Variants in ZC3H13 observed in about 807,000 individuals in gnomAD.
ZC3H13 encodes zinc finger CCCH domain-containing protein 13.
A neutral mutation model predicts 204.1 loss-of-function variants in ZC3H13; 64 were observed. The ratio of observed to expected loss-of-function variants is 0.31; its 90% CI spans 0.26 to 0.39. The LOEUF (loss-of-function observed/expected upper bound fraction) is 0.39. Ranked by LOEUF, ZC3H13 falls within the 10% of genes least tolerant of loss-of-function variation. The pLI is 1.00. For synonymous variants in ZC3H13, 667 were observed against 693.7 expected, an observed-to-expected ratio of 0.96 and a Z score of 0.60; for missense variants, 1,833 against 2,082.7, an observed-to-expected ratio of 0.88 and a Z score of 2.33.
intron 8 of ZC3H13, among the ~76,000 whole-genome samples, 185 bp downstream of exon 8, chr13:46,002,954 T>G (rs1007785207): frequency 6.6e-6 from 1 of 152,072 alleles, no homozygotes; most frequent in African/African-American, 2.4e-5. Flanking sequence ...ATTGTAAAAA[T>G]TAAGGCTTAC....
chr13:45,970,779 T>G (rs139346424), intron 12 of ZC3H13, among the ~76,000 whole-genome samples: 1 of 152,208 alleles, frequency 6.6e-6, no homozygotes, highest in Admixed American at 6.5e-5. Flanking sequence ...AATATATTAA[T>G]GTACCCTCTG....
At chr13:45,980,837 G>T (rs991676467) in intron 10 of ZC3H13, among the ~76,000 whole-genome samples, 4 of 152,100 alleles carry the variant, frequency 2.6e-5, no homozygotes, top group Admixed American at 2.6e-4. Context: ...CTATGGAAAT[G>T]GGCTACACAT....
intron 18 of ZC3H13, among the ~76,000 whole-genome samples, chr13:45,958,648 G>GTTTTTT (rs10539884): frequency 1.4e-4 from 17 of 123,668 alleles, no homozygotes; most frequent in Non-Finnish European, 2.3e-4. Flanking sequence ...AAAAATCCCA[G>GTTTTTT]TTTTTTTTTT....
intron 8 of ZC3H13, chr13:46,001,237 A>G (rs2138479555): frequency 6.6e-6 from 1 of 152,296 alleles, no homozygotes; most frequent in African/African-American, 2.4e-5. Context: ...AAAATACACA[A>G]CATCTGTGAG....
At chr13:45,964,171 A>G (rs1320181884) in intron 16 of ZC3H13, 129 bp from the exon 17 acceptor site, 12 of 778,472 alleles carry the variant, frequency 1.5e-5, no homozygotes, top group South Asian at 4.1e-5. Context: ...AAAATGTCCT[A>G]TTCTTAAAAT....
chr13:46,018,612 G>C (rs917261607), intron 5 of ZC3H13, among the ~76,000 whole-genome samples: 13 of 152,102 alleles, frequency 8.5e-5, no homozygotes, highest in African/African-American at 3.1e-4. Flanking sequence ...AGGTGTGGTA[G>C]GAGGAAGTTG....
At chr13:46,049,475 T>G (rs78208399) in intron 1 of ZC3H13, among the ~76,000 whole-genome samples, 2,203 of 152,286 alleles carry the variant, frequency 0.014, 47 homozygotes, top group African/African-American at 0.05. Flanking sequence ...AAATGTTACT[T>G]AAATATTACT....
At position 45,967,772 on chromosome 13, in the gene ZC3H13, T is replaced by G. The variant is rs1232151691; in HGVS notation, c.4053A>C (p.Lys1351Asn). Residue 1351 changes from lysine (K) to asparagine (N), a missense_variant, in exon 15 of 19, where the codon AAA becomes AAC. By Grantham distance (94) the Lys-to-Asn change is moderately conservative (BLOSUM62 0). Coordinates refer to ENST00000679008, the MANE Select transcript of ZC3H13 (RefSeq NM_001330564.2). ...RERERERERD[K>N]RRDLDRERER... ...CTCTTTCCCTATCCAAGTCTCTCCT[T>G]TTGTCTCGTTCTCTCTCTCGTTCTC... The G allele has an allele frequency of 1.2e-6, 2 of 1,611,776 alleles. No individual in the cohort carries two copies. Among genetic ancestry groups the G allele is most frequent in the Non-Finnish European group, 1.7e-6 (2 of 1,178,874 alleles).
chr13:45,966,413 A>C (rs879828996), intron 15 of ZC3H13, among the ~76,000 whole-genome samples: 8 of 152,174 alleles, frequency 5.3e-5, no homozygotes, highest in Non-Finnish European at 1.2e-4. Context: ...TTGTCATATA[A>C]ACATACATCT....
At chr13:45,974,892 G>C (rs1952889795) in intron 12 of ZC3H13, among the ~76,000 whole-genome samples, 2 of 151,804 alleles carry the variant, frequency 1.3e-5, no homozygotes, top group Non-Finnish European at 2.9e-5. Context: ...CTCGACCCAG[G>C]CTGGAGTGCA....
At chr13:46,004,608 A>G (rs1488349675) in intron 7 of ZC3H13, among the ~76,000 whole-genome samples, 5 of 152,200 alleles carry the variant, frequency 3.3e-5, no homozygotes. Flanking sequence ...AATTTCCCTG[A>G]ATAGATGCTC....
chr13:46,000,436 C>T (rs527477029), intron 8 of ZC3H13, among the ~76,000 whole-genome samples: 1 of 152,334 alleles, frequency 6.6e-6, no homozygotes, highest in African/African-American at 2.4e-5. Flanking sequence ...TTTTGTGCTA[C>T]GGAGATGGCT....
chr13:46,029,962 AT>A (rs1185523306), intron 4 of ZC3H13, among the ~76,000 whole-genome samples: 4 of 152,214 alleles, frequency 2.6e-5, no homozygotes, highest in Non-Finnish European at 5.9e-5. Context: ...TGTTATGCAA[AT>A]TAGATATAAT....
In ZC3H13 at chr13:46,042,259, T is replaced by C. The variant is rs769300170; in HGVS notation, c.244A>G (p.Thr82Ala). ...SNYRRSPERP[T>A]GDLRERMKNK... Reference sequence around the variant, plus strand: ...TTCATTCTTTCTCTAAGATCCCCTGTAGGTCTTTCTGGTGACCTTTGAACC... The same window carrying C: ...TTCATTCTTTCTCTAAGATCCCCTGCAGGTCTTTCTGGTGACCTTTGAACC... The change falls in exon 4 of 19, where the codon ACA becomes GCA. Residue 82 changes from threonine to alanine, a missense_variant. Transcript: ENST00000679008. 6 of 1,612,646 alleles carry C rather than the reference T, an allele frequency of 3.7e-6. No homozygotes were observed. The highest frequency in any genetic ancestry group is 5.1e-6 in the Non-Finnish European group (6 of 1,178,936).
intron 7 of ZC3H13, among the ~76,000 whole-genome samples, chr13:46,009,246 A>C (rs2041373601): frequency 6.6e-6 from 1 of 152,126 alleles, no homozygotes; most frequent in Non-Finnish European, 1.5e-5. Context: ...GAAAAGACCA[A>C]AGTGTAAATG....
chr13:46,027,380 C>T (rs1437745675), intron 4 of ZC3H13, among the ~76,000 whole-genome samples: 1 of 152,208 alleles, frequency 6.6e-6, no homozygotes, highest in African/African-American at 2.4e-5. Flanking sequence ...TGCGGGATTA[C>T]AGGCATGAGC....
At chr13:45,973,276 G>C (rs1033335868) in intron 12 of ZC3H13, among the ~76,000 whole-genome samples, 5 of 152,088 alleles carry the variant, frequency 3.3e-5, no homozygotes, top group Admixed American at 2.0e-4. Flanking sequence ...TTCTACATAA[G>C]AGCAGTTAAA....
At position 45,985,535 on chromosome 13, in the gene ZC3H13, A is replaced by G. The variant is rs1254578561; in HGVS notation, c.1482T>C (p.Asp494=). ...CACGAGTGGACCGAGAATCTCTGGG[A>G]TCACGGCTCTCTTTGGTATCTCTGC... ...DYSRDTKESR[D]PRDSRSTRDA... is the part of the protein sequence containing the mutation. Residue 494 remains aspartate (D), a synonymous_variant, in exon 10 of 19, where the codon GAT becomes GAC. Coordinates refer to ENST00000679008, the MANE Select transcript of ZC3H13 (RefSeq NM_001330564.2). The G allele has an allele frequency of 3.1e-6, 5 of 1,614,018 alleles. No homozygotes were observed. Among genetic ancestry groups the G allele is most frequent in the Non-Finnish European group, 4.2e-6 (5 of 1,180,026 alleles).
intron 7 of ZC3H13, 193 bp downstream of exon 7, chr13:46,010,155 G>A: frequency 2.2e-6 from 1 of 447,786 alleles, no homozygotes; most frequent in South Asian, 8.4e-5. Context: ...ATATGTGGAT[G>A]TTACACAGAT....
Sources: gnomAD v4.1 joint callset for allele counts (sites outside exome capture counted in the v4.1 genomes callset) on GRCh38, gnomAD v4.1.1 for gene constraint, MANE v1.5 for transcripts, NCBI Gene and HGNC (gene_info 2026-07-23, HGNC 2026-07-21) for gene names.